Variants in KDM5B observed in about 807,000 individuals in gnomAD.
KDM5B encodes the protein lysine-specific demethylase 5B.
A neutral mutation model predicts 193.4 loss-of-function variants in KDM5B; 144 were observed. The observed-to-expected ratio is 0.74, with a 90% CI of 0.65 to 0.86. The LOEUF (loss-of-function observed/expected upper bound fraction) is 0.86. Ranked by LOEUF, KDM5B falls within the 40% of genes least tolerant of loss-of-function variation. The pLI, the probability that KDM5B is intolerant of heterozygous loss-of-function variation, is 0.00. For missense variants in KDM5B, 1,833 were observed against 1,886.9 expected (o/e 0.97, Z 0.53); for synonymous variants, 668 against 682.6 (o/e 0.98, Z 0.33).
At chr1:202,747,568 T>TAA (rs1558489546) in intron 14 of KDM5B, among the ~76,000 whole-genome samples, 14 of 141,620 alleles carry the variant, frequency 9.9e-5, no homozygotes, top group East Asian at 6.3e-4. Flanking sequence ...GCACATATTT[T>TAA]TAAAAAAAAA....
chr1:202,780,230 G>C (rs1032840902), intron 1 of KDM5B, among the ~76,000 whole-genome samples: 1 of 151,912 alleles, frequency 6.6e-6, no homozygotes, highest in African/African-American at 2.4e-5. Flanking sequence ...ACCCAGGCTG[G>C]AATGCAATGG....
At chr1:202,783,644 G>A (rs567906905) in intron 1 of KDM5B, among the ~76,000 whole-genome samples, 39 of 152,294 alleles carry the variant, frequency 2.6e-4, no homozygotes, top group South Asian at 2.1e-4. Context: ...TCGGGAGGCC[G>A]AGGCAGGCGG....
chr1:202,741,128 T>C (rs1439894309), intron 19 of KDM5B, among the ~76,000 whole-genome samples: 1 of 152,214 alleles, frequency 6.6e-6, no homozygotes, highest in Non-Finnish European at 1.5e-5. Context: ...TTAAACCAAC[T>C]CTAGAAAAGG....
At position 202,793,002 on chromosome 1, in the gene KDM5B, C is replaced by CA. The variant is rs35356889; in HGVS notation, c.204+15099dup. Among the ~76,000 whole-genome samples the CA allele has an allele frequency of 2.6e-3, 286 of 111,860 alleles. 2 individuals are homozygous for CA. Among genetic ancestry groups the CA allele is most frequent in the South Asian group, 0.017 (58 of 3,432 alleles). The allele number at this position is 111,860 out of a possible 152,430, so 73.4% of individuals were successfully genotyped here. On this transcript the variant is annotated intron_variant, in intron 1 of 26. Transcript: ENST00000367265. ...TGGGCCACACAGCGAGACTCCCTCT[C>CA]AAAAAAAAAAAAAAAAGACTGTAAG... is the stretch of plus-strand genomic sequence containing the variant.
chr1:202,728,871 CT>C lies in KDM5B; in HGVS notation c.*164del. On this transcript the variant is annotated 3_prime_UTR_variant, in exon 27 of 27. Transcript: ENST00000367265. ...TCAAAAATTTTTTTAGTTGTTTTTT[CT>C]TTTCTTCAAAGAGTCCTGGAAAAAT... is the stretch of plus-strand genomic sequence containing the variant. The C allele has an allele frequency of 2.5e-6, 2 of 790,154 alleles. No homozygotes were observed. Among genetic ancestry groups the C allele is most frequent in the Non-Finnish European group, 3.8e-6 (2 of 520,354 alleles). 48.9% of individuals were successfully genotyped at this position (790,154 alleles called of 1,614,324 possible). A position where few individuals can be genotyped will look rare whatever the true frequency, so the allele number is the denominator to read the frequency against.
chr1:202,803,340 C>G (rs549313292), intron 1 of KDM5B, among the ~76,000 whole-genome samples: 39 of 152,268 alleles, frequency 2.6e-4, no homozygotes, highest in South Asian at 1.0e-3. Context: ...CTTTAGCTGA[C>G]TCATATTTGC....
intron 7 of KDM5B, among the ~76,000 whole-genome samples, chr1:202,761,176 T>A (rs1262665779): frequency 6.6e-6 from 1 of 152,140 alleles, no homozygotes; most frequent in African/African-American, 2.4e-5. Context: ...CACGGTGGCT[T>A]AAGCCTGTAA....
intron 20 of KDM5B, among the ~76,000 whole-genome samples, chr1:202,737,289 A>C (rs1415471348): frequency 6.6e-6 from 1 of 152,236 alleles, no homozygotes; most frequent in Non-Finnish European, 1.5e-5. Context: ...GTTTAAACAC[A>C]GTTTCCTTAG....
chr1:202,727,993 T>C lies in KDM5B; in HGVS notation c.*1043A>G, dbSNP rs950047485. ...TAGTCCTTGAAGACAGAGGGGTTCT[T>C]TGTTAGTGAGGGCTGTAGGCATATG... On this transcript the variant is annotated 3_prime_UTR_variant, in exon 27 of 27. Coordinates refer to ENST00000367265, the MANE Select transcript of KDM5B (RefSeq NM_006618.5). 1 of 152,656 alleles carries C rather than the reference T, an allele frequency of 6.6e-6. No homozygotes were observed. Among genetic ancestry groups the C allele is most frequent in the African/African-American group, 2.4e-5 (1 of 41,466 alleles). 9.5% of individuals were successfully genotyped at this position (152,656 alleles called of 1,614,324 possible).
Position 202,771,457 on chromosome 1 carries a change from T to TCTCGAACTCCTGAC in KDM5B, c.576+1647_576+1660dup, listed in dbSNP as rs549532147. ...GGTTTTGCCATGTTGGCCAGCCAGA[T>TCTCGAACTCCTGAC]CTCGAACTCCTGACCTCGAACTCCT... On this transcript the variant is annotated intron_variant, in intron 4 of 26. Transcript: ENST00000367265. Among the ~76,000 whole-genome samples the TCTCGAACTCCTGAC allele has an allele frequency of 9.0e-4, 137 of 151,774 alleles. 1 individual carries two copies. In the East Asian group the frequency reaches 0.017, roughly 19 times the overall value.
rs1416657490 is a variant in KDM5B, at chr1:202,728,055, C to T, written c.*981G>A. ...AGAGCAGGACACAAAAGAAGAATCC[C>T]CTAATGTTGTTTGCAGGCTAACATC... is the stretch of plus-strand genomic sequence containing the variant. On this transcript the variant is annotated 3_prime_UTR_variant, in exon 27 of 27. Coordinates refer to ENST00000367265, the MANE Select transcript of KDM5B (RefSeq NM_006618.5). The T allele has an allele frequency of 1.3e-5, 2 of 152,078 alleles. No individual in the cohort carries two copies. Among genetic ancestry groups the T allele is most frequent in the African/African-American group, 4.9e-5 (2 of 41,142 alleles). 9.4% of individuals were successfully genotyped at this position (152,078 alleles called of 1,614,324 possible).
At chr1:202,767,186 A>G in intron 4 of KDM5B, 126 bp from the exon 5 acceptor site, 1 of 1,550,092 alleles carries the variant, frequency 6.5e-7, no homozygotes, top group Admixed American at 1.7e-5. Context: ...TGCACCTCTT[A>G]AAATACTCTT....
rs1441428990 is a variant in KDM5B at position 202,729,875 on chromosome 1, G to A, written c.4329C>T (p.Pro1443=). 2 of 1,614,152 alleles carry A rather than the reference G, an allele frequency of 1.2e-6. No individual in the cohort carries two copies. Among genetic ancestry groups the A allele is most frequent in the Non-Finnish European group, 1.7e-6 (2 of 1,180,010 alleles). ...PKKKKIKLSH[P]KDMNNFKLER... Reference sequence around the variant, plus strand: ...CTAACTTGAAATTGTTCATGTCCTTGGGGTGGCTCAGTTTGATTTTCTTCT... The same window carrying A: ...CTAACTTGAAATTGTTCATGTCCTTAGGGTGGCTCAGTTTGATTTTCTTCT... Residue 1443 remains proline (P), a synonymous_variant, in exon 26 of 27, where the codon CCC becomes CCT. Transcript: ENST00000367265.
intron 4 of KDM5B, among the ~76,000 whole-genome samples, chr1:202,769,974 C>T (rs764455228): frequency 6.6e-6 from 1 of 152,144 alleles, no homozygotes; most frequent in Non-Finnish European, 1.5e-5. Flanking sequence ...AGTGGATGAT[C>T]ACAAATTCAG....
chr1:202,805,981 C>G lies in KDM5B; in HGVS notation c.204+2121G>C, dbSNP rs189589197. ...TTATTGGTGCCTCTTTAACCCCTTT[C>G]CTCAGGCTGTACTATGTAGCACTCT... On this transcript the variant is annotated intron_variant, in intron 1 of 26. Coordinates refer to ENST00000367265, the MANE Select transcript of KDM5B (RefSeq NM_006618.5). Among the ~76,000 whole-genome samples, 4 of 152,298 alleles carry G rather than the reference C, an allele frequency of 2.6e-5. No individual in the cohort carries two copies. The East Asian group carries it at 5.8e-4, about 22-fold the overall frequency.
chr1:202,741,763 T>C, intron 18 of KDM5B, 41 bp from the exon 19 acceptor site: 1 of 1,161,002 alleles, frequency 8.6e-7, no homozygotes, highest in Non-Finnish European at 1.2e-6. Flanking sequence ...AAACAGTAAT[T>C]TCAGTAATTG....
At chr1:202,801,267 TA>T (rs10712316) in intron 1 of KDM5B, among the ~76,000 whole-genome samples, 105,354 of 150,254 alleles carry the variant, frequency 0.7, 38,783 homozygotes, top group Non-Finnish European at 0.82. Context: ...CTTAAATGCT[TA>T]AAAAAAAAAA....
chr1:202,790,199 G>A (rs995758742), intron 1 of KDM5B, among the ~76,000 whole-genome samples: 3 of 151,298 alleles, frequency 2.0e-5, no homozygotes, highest in Non-Finnish European at 4.4e-5. Context: ...GGAGGTAAAG[G>A]TTGCGGTAAG....
intron 1 of KDM5B, among the ~76,000 whole-genome samples, chr1:202,783,976 A>G (rs1002015251): frequency 1.3e-5 from 2 of 152,344 alleles, no homozygotes; most frequent in South Asian, 2.1e-4. Context: ...AAATCCTCAG[A>G]GGCCTGAGAA....
Sources: gnomAD v4.1 joint callset for allele counts (sites outside exome capture counted in the v4.1 genomes callset) on GRCh38, gnomAD v4.1.1 for gene constraint, MANE v1.5 for transcripts, NCBI Gene and HGNC (gene_info 2026-07-23, HGNC 2026-07-21) for gene names.